SPINK2: variants seen among roughly 807,000 people sequenced by gnomAD.
The protein encoded by SPINK2 is serine protease inhibitor Kazal-type 2.
Under a neutral mutation model 13.5 loss-of-function variants are expected in SPINK2, and 8 were observed. The ratio of observed to expected loss-of-function variants is 0.59; its 90% CI spans 0.35 to 1.07. The LOEUF (loss-of-function observed/expected upper bound fraction) is 1.07, where lower values mean the gene tolerates loss of function less well. Ranked by LOEUF, SPINK2 falls within the 50% of genes least tolerant of loss-of-function variation. The probability of loss-of-function intolerance (pLI) is 0.02; values close to 1 mark genes in which losing one functional copy is unlikely to be tolerated. For missense variants in SPINK2, 148 were observed against 180.3 expected (o/e 0.82, Z 1.03); for synonymous variants, 76 against 74.7 (o/e 1.02, Z -0.09).
In SPINK2 at chr4:56,821,157, A is replaced by T. The variant is rs28543985; in HGVS notation, c.205+301T>A. On this transcript the variant is annotated intron_variant, in intron 1 of 3. Transcript: ENST00000506738. ...TCCTTTACAACTCGGGGTAACAAAT[A>T]CAAAATTTAATATAAGATGTGAGCA... 6.2e-3 allele frequency among the ~76,000 whole-genome samples: 947 copies of T among 152,354 alleles called. 14 individuals are homozygous for T. The highest frequency in any genetic ancestry group is 0.021 in the African/African-American group (876 of 41,584).
At position 56,821,627 on chromosome 4, in the gene SPINK2, G is replaced by A. The variant is rs1717950375; in HGVS notation, c.36C>T (p.Leu12=). The part of the protein sequence containing the change: ...ALSVLRLALL[L]LAVTFAGSAR... ...CGCTACCTGCGAAGGTAACTGCCAGGAGCAGCAGCGCCAAGCGCAGCACCG... is the reference window on the plus strand; with the variant it reads ...CGCTACCTGCGAAGGTAACTGCCAGAAGCAGCAGCGCCAAGCGCAGCACCG... Residue 12 remains leucine (L), a synonymous_variant, in exon 1 of 4, where the codon CTC becomes CTT. Transcript: ENST00000506738. 2 of 1,548,928 alleles carry A rather than the reference G, an allele frequency of 1.3e-6. No individual in the cohort carries two copies. The highest frequency in any genetic ancestry group is 1.8e-4 in the Middle Eastern group (1 of 5,484).
At position 56,812,495 on chromosome 4, in the gene SPINK2, C is replaced by T. The variant is rs188033996; in HGVS notation, c.250-701G>A. Among the ~76,000 whole-genome samples, 368 of 132,094 alleles carry T rather than the reference C, an allele frequency of 2.8e-3. 1 individual carries two copies. The highest frequency in any genetic ancestry group is 0.01 in the African/African-American group (357 of 35,160). 86.7% of individuals were successfully genotyped at this position (132,094 alleles called of 152,430 possible). A position where few individuals can be genotyped will look rare whatever the true frequency, so the allele number is the denominator to read the frequency against. ...GAATGAACCTGGGAGGCAGAGGATG[C>T]GGTGAGCCGAGATCACGCCATTGCA... On this transcript the variant is annotated intron_variant, in intron 2 of 3. Coordinates refer to ENST00000506738, the MANE Select transcript of SPINK2 (RefSeq NM_001271718.2).
At chr4:56,815,659 C>T (rs532834315) in intron 2 of SPINK2, among the ~76,000 whole-genome samples, 2 of 152,070 alleles carry the variant, frequency 1.3e-5, no homozygotes, top group East Asian at 3.9e-4. Flanking sequence ...GAGATTGTAC[C>T]ACTGCCCTCC....
At chr4:56,814,044 C>T (rs1468564253) in intron 2 of SPINK2, among the ~76,000 whole-genome samples, 1 of 151,658 alleles carries the variant, frequency 6.6e-6, no homozygotes, top group African/African-American at 2.4e-5. Flanking sequence ...CTGCCTCAGC[C>T]TCCCATATGG....
chr4:56,821,740 G>A (rs1717972004), upstream of SPINK2: 1 of 1,348,170 alleles, frequency 7.4e-7, no homozygotes, highest in African/African-American at 1.6e-5. Context: ...GCGACGGGGC[G>A]CGGGGAGGGC....
At chr4:56,813,919 C>CTTTTTTT (rs71194126) in intron 2 of SPINK2, among the ~76,000 whole-genome samples, 4 of 97,132 alleles carry the variant, frequency 4.1e-5, no homozygotes, top group African/African-American at 1.3e-4. Context: ...GCACCTGGCC[C>CTTTTTTT]TTTTTTTTTT....
Position 56,812,487 on chromosome 4 carries a change from A to G in SPINK2, c.250-693T>C, listed in dbSNP as rs144304781. On this transcript the variant is annotated intron_variant, in intron 2 of 3. Transcript: ENST00000506738. ...GGAGAATCGAATGAACCTGGGAGGC[A>G]GAGGATGCGGTGAGCCGAGATCACG... Among the ~76,000 whole-genome samples, 998 of 145,578 alleles carry G rather than the reference A, an allele frequency of 6.9e-3. 15 individuals are homozygous for G. Among genetic ancestry groups the G allele is most frequent in the African/African-American group, 0.023 (913 of 39,786 alleles).
At position 56,821,459 on chromosome 4, in the gene SPINK2, T is replaced by C. The variant is rs1383474887; in HGVS notation, c.204A>G (p.Pro68=). 1.3e-6 allele frequency: 2 copies of C among 1,519,218 alleles called. No individual in the cohort carries two copies. Among genetic ancestry groups the C allele is most frequent in the East Asian group, 2.5e-5 (1 of 39,808 alleles). 94.1% of individuals were successfully genotyped at this position (1,519,218 alleles called of 1,614,324 possible). Reference sequence around the variant, plus strand: ...AACCCCCAGTTCGCGTTCCTCCACCTGGCAGGTCCTCTGGGGAACCGCCAG... The same window carrying C: ...AACCCCCAGTTCGCGTTCCTCCACCCGGCAGGTCCTCTGGGGAACCGCCAG... The part of the protein sequence containing the change: ...PVTGGSPEDL[P]ASLIPQFGLF... Residue 68 remains proline (P), a splice_region_variant and synonymous_variant, in exon 1 of 4, where the codon CCA becomes CCG. Coordinates refer to ENST00000506738, the MANE Select transcript of SPINK2 (RefSeq NM_001271718.2).
chr4:56,814,728 G>A lies in SPINK2; in HGVS notation c.250-2934C>T, dbSNP rs188637185. On this transcript the variant is annotated intron_variant, in intron 2 of 3. Transcript: ENST00000506738. The stretch of plus-strand genomic sequence containing the variant: ...TGTAATCCCAGCACTTTGGGAGGCC[G>A]AGGCAGGTGGATCACGAGGTCAGGA... 6.8e-4 allele frequency among the ~76,000 whole-genome samples: 103 copies of A among 151,962 alleles called. 2 individuals carry two copies. The highest frequency in any genetic ancestry group is 3.1e-3 in the East Asian group (16 of 5,154).
At chr4:56,815,482 T>G (rs958381381) in intron 2 of SPINK2, among the ~76,000 whole-genome samples, 1 of 152,088 alleles carries the variant, frequency 6.6e-6, no homozygotes, top group Non-Finnish European at 1.5e-5. Flanking sequence ...GGCAGATCAC[T>G]TGAGGCCAGG....
rs371416354 is a variant in SPINK2 at position 56,815,406 on chromosome 4, T to C, written c.250-3612A>G. On this transcript the variant is annotated intron_variant, in intron 2 of 3. Transcript: ENST00000506738. ...TAGATTGGAAAGGAAGAAGTAAAAC[T>C]ATCTCTATTCAAAGATGACAGAGGG... Among the ~76,000 whole-genome samples, 22 of 152,150 alleles carry C rather than the reference T, an allele frequency of 1.4e-4. No homozygotes were observed. In the East Asian group the frequency reaches 1.9e-3, roughly 13 times the overall value.
upstream of SPINK2, chr4:56,821,736 G>A (rs1349204590): frequency 2.2e-6 from 3 of 1,373,166 alleles, no homozygotes; most frequent in Non-Finnish European, 2.8e-6. Context: ...TCGTGCGACG[G>A]GGCGCGGGGA....
chr4:56,810,238 T>C (rs1716867094), intron 3 of SPINK2, 54 bp from the exon 4 acceptor site: 3 of 1,482,478 alleles, frequency 2.0e-6, no homozygotes, highest in Non-Finnish European at 2.8e-6. Flanking sequence ...ACTGAAACTG[T>C]CTCATTATTT....
intron 2 of SPINK2, among the ~76,000 whole-genome samples, chr4:56,815,105 A>C (rs1465488512): frequency 6.6e-6 from 1 of 152,094 alleles, no homozygotes; most frequent in Non-Finnish European, 1.5e-5. Flanking sequence ...ACAAACAAAC[A>C]AACAAAAAAC....
At chr4:56,810,312 T>TAAATCTAGGAAA in intron 3 of SPINK2, 128 bp from the exon 4 acceptor site, 1 of 810,472 alleles carries the variant, frequency 1.2e-6, no homozygotes, top group South Asian at 1.9e-5. Context: ...ACTTATTTAA[T>TAAATCTAGGAAA]CATTTTTTAA....
intron 1 of SPINK2, 65 bp from the exon 2 acceptor site, chr4:56,820,644 T>C: frequency 1.2e-5 from 17 of 1,386,794 alleles, no homozygotes; most frequent in Non-Finnish European, 1.7e-5. Flanking sequence ...TCATGAAGTT[T>C]TTTTTTTTTT....
chr4:56,821,283 G>A (rs757164378), intron 1 of SPINK2, 175 bp downstream of exon 1: 7 of 984,684 alleles, frequency 7.1e-6, no homozygotes, highest in Non-Finnish European at 8.4e-6. Flanking sequence ...CCTCCCTTGG[G>A]ACCATACATA....
Position 56,812,563 on chromosome 4 carries a change from C to CAAAAAAAAAAAAAA in SPINK2, c.250-783_250-770dup, listed in dbSNP as rs57162077. Among the ~76,000 whole-genome samples the CAAAAAAAAAAAAAA allele has an allele frequency of 9.8e-4, 16 of 16,370 alleles. 1 individual carries two copies. Among genetic ancestry groups the CAAAAAAAAAAAAAA allele is most frequent in the African/African-American group, 1.7e-3 (9 of 5,302 alleles). The allele number at this position is 16,370 out of a possible 152,430, so 10.7% of individuals were successfully genotyped here. On this transcript the variant is annotated intron_variant, in intron 2 of 3. Transcript: ENST00000506738. ...GGGCAACGAGAACGAAACTCCATCT[C>CAAAAAAAAAAAAAA]AAAAAAAAAAAAAAAAAAAAAAAAA...
At chr4:56,819,178 T>C (rs1476484397) in intron 2 of SPINK2, among the ~76,000 whole-genome samples, 1 of 152,196 alleles carries the variant, frequency 6.6e-6, no homozygotes, top group Non-Finnish European at 1.5e-5. Context: ...GTATTTATTA[T>C]TATGATGGTG....
Sources: allele counts gnomAD v4.1 joint callset (sites outside exome capture counted in the v4.1 genomes callset), GRCh38; gene constraint gnomAD v4.1.1; transcripts MANE v1.5; gene names NCBI Gene and HGNC (gene_info 2026-07-23, HGNC 2026-07-21).